The following TG variants were observed in gnomAD, a reference collection of about 807,000 sequenced individuals.
TG encodes thyroglobulin.
Under a neutral mutation model 324.7 loss-of-function variants are expected in TG, and 270 were observed. That is an observed-to-expected ratio of 0.83 (90% CI 0.75 to 0.92). The LOEUF is 0.92. Ranked by LOEUF, TG falls within the 40% of genes least tolerant of loss-of-function variation. The pLI, the probability that TG is intolerant of heterozygous loss-of-function variation, is 0.00. For missense variants in TG, 3,591 were observed against 3,456.4 expected (o/e 1.04, Z -0.98); for synonymous variants, 1,401 against 1,327.0 (o/e 1.06, Z -1.21).
chr8:133,031,102 T>C (rs1042223025), intron 41 of TG, among the ~76,000 whole-genome samples: 1 of 152,248 alleles, frequency 6.6e-6, no homozygotes, highest in African/African-American at 2.4e-5. Context: ...AGAACCTCTG[T>C]ATCCTTTAAC....
chr8:132,985,197 G>A (rs902712101), intron 35 of TG, among the ~76,000 whole-genome samples: 3 of 152,290 alleles, frequency 2.0e-5, no homozygotes, highest in Non-Finnish European at 2.9e-5. Context: ...TTTGCTGTGC[G>A]TCAAGTACTA....
Position 133,062,638 on chromosome 8 carries a change from G to A in TG, c.7240-32406G>A, listed in dbSNP as rs574113043. 2.3e-4 allele frequency among the ~76,000 whole-genome samples: 35 copies of A among 152,052 alleles called. 1 individual carries two copies. The South Asian group carries it at 5.8e-3, about 25-fold the overall frequency. ...ACAGGCGCTGTCCTGCACAGGCCTC[G>A]GGAAGCATGCGTGTGACATGCAGAG... On this transcript the variant is annotated intron_variant, in intron 41 of 47. Coordinates refer to ENST00000220616, the MANE Select transcript of TG (RefSeq NM_003235.5).
intron 41 of TG, among the ~76,000 whole-genome samples, chr8:133,055,472 G>A (rs139324312): frequency 1.3e-5 from 2 of 151,992 alleles, no homozygotes; most frequent in African/African-American, 4.8e-5. Context: ...AAGGTCTGCC[G>A]AGTTCTGCGG....
rs557363197 is a variant in TG, at chr8:133,085,602, A to T, written c.7240-9442A>T. 2.6e-5 allele frequency among the ~76,000 whole-genome samples: 4 copies of T among 152,344 alleles called. No individual in the cohort carries two copies. In the East Asian group the frequency reaches 7.7e-4, roughly 29 times the overall value. ...ACAAATGGGCCCATAAGCATAGCAA[A>T]AGATTCTTAACACTATTAGTCAGTC... On this transcript the variant is annotated intron_variant, in intron 41 of 47. Coordinates refer to ENST00000220616, the MANE Select transcript of TG (RefSeq NM_003235.5).
intron 41 of TG, among the ~76,000 whole-genome samples, chr8:133,061,081 G>A (rs1387135911): frequency 1.3e-5 from 2 of 152,168 alleles, no homozygotes; most frequent in Admixed American, 6.5e-5. Flanking sequence ...GCACGATCTC[G>A]GCTCACTGCA....
At chr8:132,975,654 G>A (rs1830089801) in intron 34 of TG, among the ~76,000 whole-genome samples, 1 of 152,134 alleles carries the variant, frequency 6.6e-6, no homozygotes, top group Non-Finnish European at 1.5e-5. Context: ...GGCTCATACT[G>A]TGTGCCTGGC....
intron 43 of TG, among the ~76,000 whole-genome samples, chr8:133,107,845 A>G (rs1218188415): frequency 1.3e-5 from 2 of 152,174 alleles, no homozygotes. Flanking sequence ...ATTTTTTGCA[A>G]GAGAGACTTA....
intron 40 of TG, among the ~76,000 whole-genome samples, chr8:133,029,405 G>A (rs1162955130): frequency 6.6e-6 from 1 of 152,184 alleles, no homozygotes; most frequent in Admixed American, 6.5e-5. Flanking sequence ...ACCTGAAGGG[G>A]TCAAAGACAT....
intron 34 of TG, among the ~76,000 whole-genome samples, chr8:132,973,568 C>A (rs765181264): frequency 6.6e-6 from 1 of 151,990 alleles, no homozygotes; most frequent in East Asian, 1.9e-4. Context: ...GTTTGTCTTT[C>A]GGAAAGTCAC....
chr8:133,126,024 A>G (rs1851490548), intron 45 of TG, among the ~76,000 whole-genome samples: 1 of 152,256 alleles, frequency 6.6e-6, no homozygotes, highest in South Asian at 2.1e-4. Context: ...ACTGTTATCA[A>G]ATGCGATGGT....
chr8:132,986,361 G>GTA (rs2130721314), intron 35 of TG, among the ~76,000 whole-genome samples: 2 of 99,590 alleles, frequency 2.0e-5, no homozygotes, highest in South Asian at 2.6e-4. Flanking sequence ...GTATATATGT[G>GTA]TATATATAGT....
At chr8:132,869,653 A>G in intron 2 of TG, 76 bp from the exon 3 acceptor site, 4 of 1,279,334 alleles carry the variant, frequency 3.1e-6, no homozygotes, top group Non-Finnish European at 4.6e-6. Flanking sequence ...TGAAGAAGAA[A>G]AGTAGCCTGA....
chr8:133,128,142 G>A (rs1163214022), intron 45 of TG, among the ~76,000 whole-genome samples: 1 of 151,906 alleles, frequency 6.6e-6, no homozygotes, highest in East Asian at 1.9e-4. Context: ...GTGGTTGATC[G>A]CACTTTCTTG....
At chr8:132,944,003 C>T (rs146147253) in intron 26 of TG, among the ~76,000 whole-genome samples, 6 of 152,282 alleles carry the variant, frequency 3.9e-5, no homozygotes, top group South Asian at 4.1e-4. Context: ...CTGCAGAGGT[C>T]GACATCCATA....
intron 43 of TG, among the ~76,000 whole-genome samples, chr8:133,110,266 A>G (rs1399012847): frequency 6.6e-6 from 1 of 152,104 alleles, no homozygotes; most frequent in Non-Finnish European, 1.5e-5. Flanking sequence ...CCTTCTTTAT[A>G]AAGCATCTGT....
At chr8:132,885,177 G>T (rs150438919) in intron 8 of TG, among the ~76,000 whole-genome samples, 39 of 151,288 alleles carry the variant, frequency 2.6e-4, no homozygotes, top group African/African-American at 9.3e-4. Flanking sequence ...ATTTTATGGA[G>T]AAAAATGGAG....
chr8:132,963,173 A>G, intron 29 of TG, 99 bp downstream of exon 29: 1 of 1,091,110 alleles, frequency 9.2e-7, no homozygotes, highest in Non-Finnish European at 1.4e-6. Flanking sequence ...TATTGACATC[A>G]CTCTATTCTG....
At position 133,026,578 on chromosome 8, in the gene TG, G is replaced by A. The variant is rs143357854; in HGVS notation, c.7037-3243G>A. Among the ~76,000 whole-genome samples the A allele has an allele frequency of 1.4e-4, 22 of 152,330 alleles. No homozygotes were observed. The East Asian group carries it at 3.5e-3, about 24-fold the overall frequency. Reference sequence around the variant, plus strand: ...GGGAACTGGGGTGGTGGCATCAGACGGGACACAGGAGGATAGGCTGGACAA... The same window carrying A: ...GGGAACTGGGGTGGTGGCATCAGACAGGACACAGGAGGATAGGCTGGACAA... On this transcript the variant is annotated intron_variant, in intron 40 of 47. Transcript: ENST00000220616.
At chr8:133,106,368 A>G in intron 43 of TG, 1 of 982,774 alleles carries the variant, frequency 1.0e-6, no homozygotes, top group Non-Finnish European at 1.2e-6. Context: ...CAATGCAAGG[A>G]CACCCAGCCT....
Sources: gnomAD v4.1 joint callset for allele counts (sites outside exome capture counted in the v4.1 genomes callset) on GRCh38, gnomAD v4.1.1 for gene constraint, MANE v1.5 for transcripts, NCBI Gene and HGNC (gene_info 2026-07-23, HGNC 2026-07-21) for gene names.